Variants in SLC12A2 observed in about 807,000 individuals in gnomAD.
The protein encoded by SLC12A2 is Na-K-2Cl cotransporter 1.
SLC12A2 carries 67 observed loss-of-function variants against 136.3 expected under a neutral mutation model. The ratio of observed to expected loss-of-function variants is 0.49; its 90% CI spans 0.40 to 0.60. SLC12A2 has a LOEUF of 0.60. SLC12A2 is among the 20% of genes least tolerant of loss of function. The probability of loss-of-function intolerance (pLI) is 0.00; values close to 1 mark genes in which losing one functional copy is unlikely to be tolerated. For synonymous variants in SLC12A2, 619 were observed against 562.9 expected (o/e 1.10, Z -1.41); for missense variants, 1,322 against 1,534.7 (o/e 0.86, Z 2.32).
chr5:128,181,450 T>C (rs1004580501), intron 23 of SLC12A2, among the ~76,000 whole-genome samples: 1 of 152,182 alleles, frequency 6.6e-6, no homozygotes, highest in African/African-American at 2.4e-5. Flanking sequence ...CTAAGTACTC[T>C]TGTTTTGTCT....
chr5:128,167,697 C>A (rs1220890827), intron 17 of SLC12A2, 64 bp from the exon 18 acceptor site: 1 of 1,140,206 alleles, frequency 8.8e-7, no homozygotes, highest in Admixed American at 2.4e-5. Flanking sequence ...ACAGTTTTAT[C>A]ACTTCAGAAA....
In SLC12A2 at chr5:128,187,444, T is replaced by G. The variant is rs1023918731; in HGVS notation, c.*813T>G. The G allele has an allele frequency of 6.6e-6, 1 of 152,164 alleles. No homozygotes were observed. Among genetic ancestry groups the G allele is most frequent in the African/African-American group, 2.4e-5 (1 of 41,450 alleles). The allele number at this position is 152,164 out of a possible 1,614,324, so 9.4% of individuals were successfully genotyped here. Reference sequence around the variant, plus strand: ...AAAAATACTCAAGATCATTTATATTTATTTGGAGAGAAAACTGTCCTAATT... The same window carrying G: ...AAAAATACTCAAGATCATTTATATTGATTTGGAGAGAAAACTGTCCTAATT... On this transcript the variant is annotated 3_prime_UTR_variant, in exon 27 of 27. Coordinates refer to ENST00000262461, the MANE Select transcript of SLC12A2 (RefSeq NM_001046.3).
intron 1 of SLC12A2, among the ~76,000 whole-genome samples, chr5:128,094,683 A>G (rs1233636864): frequency 6.6e-6 from 1 of 152,116 alleles, no homozygotes; most frequent in African/African-American, 2.4e-5. Flanking sequence ...AAAATTAAGA[A>G]TAAGAAAGTT....
chr5:128,135,159 A>G (rs1299088317), intron 6 of SLC12A2, among the ~76,000 whole-genome samples: 2 of 152,058 alleles, frequency 1.3e-5, no homozygotes, highest in Non-Finnish European at 2.9e-5. Flanking sequence ...GGGAAATGGT[A>G]GTTTTCATAG....
intron 15 of SLC12A2, among the ~76,000 whole-genome samples, chr5:128,155,944 C>T (rs1193521788): frequency 6.6e-6 from 1 of 152,050 alleles, no homozygotes; most frequent in African/African-American, 2.4e-5. Flanking sequence ...TATACATGTT[C>T]TTTAAACTCT....
At chr5:128,129,244 G>A (rs1761926583) in intron 4 of SLC12A2, among the ~76,000 whole-genome samples, 1 of 151,982 alleles carries the variant, frequency 6.6e-6, no homozygotes, top group Non-Finnish European at 1.5e-5. Context: ...GGGAGTAGAT[G>A]AAATAATTCA....
At chr5:128,109,780 A>G in intron 1 of SLC12A2, 1 of 834,876 alleles carries the variant, frequency 1.2e-6, no homozygotes, top group Non-Finnish European at 2.1e-6. Flanking sequence ...TCATGGTAAG[A>G]TACAGAATGT....
In SLC12A2 at chr5:128,145,675, T is replaced by G. The variant is rs190873167; in HGVS notation, c.1774-1947T>G. ...ATTTAACCTTAAATCTAATGGAAGA[T>G]CTAGGGAAAGATGTTTAGTCAACAG... is the stretch of plus-strand genomic sequence containing the variant. On this transcript the variant is annotated intron_variant, in intron 10 of 26. Coordinates refer to ENST00000262461, the MANE Select transcript of SLC12A2 (RefSeq NM_001046.3). 3.9e-3 allele frequency among the ~76,000 whole-genome samples: 596 copies of G among 152,156 alleles called. 3 individuals are homozygous for G. Among genetic ancestry groups the G allele is most frequent in the African/African-American group, 0.014 (573 of 41,544 alleles).
At chr5:128,157,632 A>G (rs1205218101) in intron 15 of SLC12A2, among the ~76,000 whole-genome samples, 1 of 152,178 alleles carries the variant, frequency 6.6e-6, no homozygotes, top group Non-Finnish European at 1.5e-5. Flanking sequence ...TAGAATATTT[A>G]TTACCTTTAG....
rs746897202 is a variant in SLC12A2, at chr5:128,084,365, C to A, written c.411C>A (p.Gly137=). ...EPAKGSEEAK[G]RFRVNFVDPA... ...CTAAAGGCAGCGAGGAAGCCAAGGG[C>A]CGCTTCCGCGTGAACTTCGTGGACC... Residue 137 remains glycine, a synonymous_variant, in exon 1 of 27, where the codon GGC becomes GGA. Coordinates refer to ENST00000262461, the MANE Select transcript of SLC12A2 (RefSeq NM_001046.3). The surrounding 1 kb of genome is among the most constrained non-coding windows in gnomAD (Gnocchi z 5.6). The A allele has an allele frequency of 6.2e-7, 1 of 1,601,726 alleles. No homozygotes were observed. The highest frequency in any genetic ancestry group is 8.5e-7 in the Non-Finnish European group (1 of 1,176,624).
chr5:128,184,297 T>C, intron 24 of SLC12A2, 69 bp from the exon 25 acceptor site: 1 of 1,004,918 alleles, frequency 1.0e-6, no homozygotes. Flanking sequence ...TACAATTTAA[T>C]ATTTAAGATC....
Position 128,091,401 on chromosome 5 carries a change from A to G in SLC12A2, c.756+6691A>G, listed in dbSNP as rs1480634811. Among the ~76,000 whole-genome samples the G allele has an allele frequency of 3.3e-5, 5 of 152,224 alleles. No individual in the cohort carries two copies. In the East Asian group the frequency reaches 7.7e-4, roughly 23 times the overall value. ...GTTAAATAGTAGAACTTAAGAAAAC[A>G]GCTTTCATTTTTAGCGTAAAAATGT... is the stretch of plus-strand genomic sequence containing the variant. On this transcript the variant is annotated intron_variant, in intron 1 of 26. Transcript: ENST00000262461.
In SLC12A2 at chr5:128,178,674, CT is replaced by C; in HGVS notation, c.3090del (p.Phe1030LeufsTer6). ...AAAGAATACTATTGATGTCTGGTGGCTTTTTGATGATGGAGGTAAGGTTGTT... is the reference window on the plus strand; with the variant it reads ...AAAGAATACTATTGATGTCTGGTGGCTTTTGATGATGGAGGTAAGGTTGTT... ...QGKNTIDVWW[L>X]FDDGGLTLLI... On this transcript the variant is annotated frameshift_variant, in exon 22 of 27. Transcript: ENST00000262461. LOFTEE classifies it high-confidence loss of function. 6 of 1,566,212 alleles carry C rather than the reference CT, an allele frequency of 3.8e-6. No homozygotes were observed. The highest frequency in any genetic ancestry group is 2.3e-5 in the East Asian group (1 of 43,156).
At chr5:128,155,309 T>C (rs1004680373) in intron 15 of SLC12A2, among the ~76,000 whole-genome samples, 2 of 152,188 alleles carry the variant, frequency 1.3e-5, no homozygotes, top group Non-Finnish European at 2.9e-5. Flanking sequence ...TAGTGTACTT[T>C]TTGATTTTTA....
chr5:128,132,399 A>G (rs1048868441), intron 5 of SLC12A2, among the ~76,000 whole-genome samples: 6 of 152,170 alleles, frequency 3.9e-5, no homozygotes, highest in African/African-American at 1.4e-4. Context: ...AAATAGGAGG[A>G]TTTCAAGTTT....
intron 4 of SLC12A2, among the ~76,000 whole-genome samples, chr5:128,119,905 A>G (rs925548426): frequency 3.3e-5 from 5 of 152,196 alleles, no homozygotes; most frequent in South Asian, 2.1e-4. Flanking sequence ...AGAAACTACC[A>G]TCAGAGTGAA....
chr5:128,147,784 T>C (rs947081705), intron 11 of SLC12A2, 55 bp downstream of exon 11: 6 of 1,056,470 alleles, frequency 5.7e-6, no homozygotes, highest in Non-Finnish European at 1.5e-6. Flanking sequence ...GTAATACTTC[T>C]CAATTTAGAA....
intron 4 of SLC12A2, among the ~76,000 whole-genome samples, chr5:128,129,757 T>C (rs550552015): frequency 7.2e-5 from 11 of 152,304 alleles, no homozygotes; most frequent in African/African-American, 2.6e-4. Context: ...TAGAAATATG[T>C]ATATAGCTTT....
rs1232025940 is a variant in SLC12A2, at chr5:128,188,465, T to C, written c.*1834T>C. The stretch of plus-strand genomic sequence containing the variant: ...GCACGCCACCATGCCCAGCTAATTT[T>C]TGTATTTTGAGTAGAGACAGGGTTT... On this transcript the variant is annotated 3_prime_UTR_variant, in exon 27 of 27. Coordinates refer to ENST00000262461, the MANE Select transcript of SLC12A2 (RefSeq NM_001046.3). 1 of 151,982 alleles carries C rather than the reference T, an allele frequency of 6.6e-6. No homozygotes were observed. The highest frequency in any genetic ancestry group is 2.4e-5 in the African/African-American group (1 of 41,352). The allele number at this position is 151,982 out of a possible 1,614,324, so 9.4% of individuals were successfully genotyped here. A position where few individuals can be genotyped will look rare whatever the true frequency, so the allele number is the denominator to read the frequency against.
Sources: allele counts gnomAD v4.1 joint callset (sites outside exome capture counted in the v4.1 genomes callset), GRCh38; gene constraint gnomAD v4.1.1; non-coding constraint Gnocchi (gnomAD v3.1); transcripts MANE v1.5; gene names NCBI Gene and HGNC (gene_info 2026-07-23, HGNC 2026-07-21).